The following NECAB3 variants were observed in gnomAD, a reference collection of about 807,000 sequenced individuals.
NECAB3 encodes the protein N-terminal EF-hand calcium binding protein 3, also known as N-terminal EF-hand calcium-binding protein 3.
In NECAB3, 38 loss-of-function variants were observed where a neutral mutation model predicts 57.2. That is an observed-to-expected ratio of 0.66 (90% CI 0.51 to 0.87). The LOEUF (loss-of-function observed/expected upper bound fraction) is 0.87, where lower values mean the gene tolerates loss of function less well. Among genes scored for constraint, NECAB3 ranks in the 40% least tolerant of loss-of-function variants. The pLI, the probability that NECAB3 is intolerant of heterozygous loss-of-function variation, is 0.00. For missense variants in NECAB3, 474 were observed against 527.5 expected (o/e 0.90, Z 0.99); for synonymous variants, 223 against 222.6 (o/e 1.00, Z -0.02).
At chr20:33,667,736 T>A (rs962825755) in intron 5 of NECAB3, 1 of 1,612,178 alleles carries the variant, frequency 6.2e-7, no homozygotes. Context: ...ATCACACATC[T>A]CAAGAAGCGC....
At chr20:33,669,030 T>C (rs1315374047) in intron 5 of NECAB3, 2 of 285,954 alleles carry the variant, frequency 7.0e-6, no homozygotes, top group South Asian at 4.0e-5. Flanking sequence ...CCCACCACAG[T>C]TGTGATGGGC....
Position 33,658,494 on chromosome 20 carries a change from A to G in NECAB3, c.1053T>C (p.Asp351=). ...ASFTLYEFWQ[D]EASWRRHQQS... The stretch of plus-strand genomic sequence containing the variant: ...ACTCATACCTTCTCCAGGAGGCCTC[A>G]TCCTGCCAGAACTCATACAGGGTGA... Residue 351 remains aspartate (D), a synonymous_variant, in exon 10 of 12, where the codon GAT becomes GAC. Transcript: ENST00000246190. 1 of 1,613,924 alleles carries G rather than the reference A, an allele frequency of 6.2e-7. No homozygotes were observed. The highest frequency in any genetic ancestry group is 8.5e-7 in the Non-Finnish European group (1 of 1,179,946).
intron 5 of NECAB3, chr20:33,669,092 G>A (rs1350774535): frequency 1.1e-5 from 5 of 451,152 alleles, no homozygotes; most frequent in South Asian, 1.0e-4. Context: ...GTGTATGCCA[G>A]ACATTATTCT....
chr20:33,668,303 T>G (rs1001427673), intron 5 of NECAB3: 1 of 1,520,622 alleles, frequency 6.6e-7, no homozygotes, highest in African/African-American at 1.4e-5. Context: ...GTCAAGTGTT[T>G]GGAGCTGGCA....
intron 2 of NECAB3, among the ~76,000 whole-genome samples, chr20:33,671,808 C>G (rs2017833088): frequency 6.6e-6 from 1 of 152,234 alleles, no homozygotes; most frequent in South Asian, 2.1e-4. Flanking sequence ...CCAGCTTTAT[C>G]CTTGCCCAAG....
Position 33,674,425 on chromosome 20 carries a change from A to G in NECAB3, c.-73T>C, listed in dbSNP as rs1297448131. Reference sequence around the variant, plus strand: ...ACGCCGCGGCGGACTCGGTGTGGCTAGAGGCCGCCCCTTGGCGCCGGCGCC... The same window carrying G: ...ACGCCGCGGCGGACTCGGTGTGGCTGGAGGCCGCCCCTTGGCGCCGGCGCC... On this transcript the variant is annotated 5_prime_UTR_variant, in exon 1 of 12. Coordinates refer to ENST00000246190, the MANE Select transcript of NECAB3 (RefSeq NM_031232.4). 2.8e-6 allele frequency: 3 copies of G among 1,086,230 alleles called. No individual in the cohort carries two copies. Among genetic ancestry groups the G allele is most frequent in the Non-Finnish European group, 3.4e-6 (3 of 895,164 alleles). 67.3% of individuals were successfully genotyped at this position (1,086,230 alleles called of 1,614,324 possible). A position where few individuals can be genotyped will look rare whatever the true frequency, so the allele number is the denominator to read the frequency against.
At position 33,674,399 on chromosome 20, in the gene NECAB3, G is replaced by C. The variant is rs1205791587; in HGVS notation, c.-47C>G. 4 of 1,135,176 alleles carry C rather than the reference G, an allele frequency of 3.5e-6. No homozygotes were observed. Among genetic ancestry groups the C allele is most frequent in the Non-Finnish European group, 4.3e-6 (4 of 926,540 alleles). The allele number at this position is 1,135,176 out of a possible 1,614,324, so 70.3% of individuals were successfully genotyped here. A position where few individuals can be genotyped will look rare whatever the true frequency, so the allele number is the denominator to read the frequency against. On this transcript the variant is annotated 5_prime_UTR_variant, in exon 1 of 12. Coordinates refer to ENST00000246190, the MANE Select transcript of NECAB3 (RefSeq NM_031232.4). ...TCGGCTGCGGTTGCTGCCGACCCTG[G>C]ACGCCGCGGCGGACTCGGTGTGGCT...
rs760598548 is a variant in NECAB3, at chr20:33,660,306, C to T, written c.477G>A (p.Ser159=). 10 of 1,613,258 alleles carry T rather than the reference C, an allele frequency of 6.2e-6. No individual in the cohort carries two copies. The African/African-American group carries it at 8.0e-5, about 13-fold the overall frequency. ...TVSQLQALQS[S]LEGASDTLEA... ...CCAGGGTATCTGACGCCCCCTCCAG[C>T]GAGCTCTGAAGGGCTTGCAGCTGGC... is the stretch of plus-strand genomic sequence containing the variant. The change falls in exon 6 of 12, where the codon TCG becomes TCA. Residue 159 remains serine (S), a synonymous_variant. Coordinates refer to ENST00000246190, the MANE Select transcript of NECAB3 (RefSeq NM_031232.4). This position sits in a 1 kb window ranked among gnomAD's most constrained non-coding sequence, Gnocchi z 4.1.
intron 5 of NECAB3, chr20:33,667,927 G>T: frequency 6.4e-7 from 1 of 1,560,266 alleles, no homozygotes. Context: ...GCCCGCGCTG[G>T]CCTTCCGGGC....
chr20:33,664,654 A>G (rs2017595362), intron 5 of NECAB3: 1 of 152,316 alleles, frequency 6.6e-6, no homozygotes, highest in African/African-American at 2.4e-5. Context: ...CAAATCACTT[A>G]GAAGAAGCCC....
chr20:33,674,206 G>A lies in NECAB3; in HGVS notation c.129+18C>T. On this transcript the variant is annotated intron_variant, in intron 1 of 11. Coordinates refer to ENST00000246190, the MANE Select transcript of NECAB3 (RefSeq NM_031232.4). ...CTCGGGTAGGGAGACACCGCGAGCA[G>A]AGCCCGCGCCCACTCACGTCCTGGA... 1 of 1,257,918 alleles carries A rather than the reference G, an allele frequency of 7.9e-7. No homozygotes were observed. The highest frequency in any genetic ancestry group is 1.5e-5 in the African/African-American group (1 of 65,238). The allele number at this position is 1,257,918 out of a possible 1,614,324, so 77.9% of individuals were successfully genotyped here.
chr20:33,658,361 G>T, intron 10 of NECAB3, 116 bp downstream of exon 10: 1 of 1,060,396 alleles, frequency 9.4e-7, no homozygotes, highest in Non-Finnish European at 1.4e-6. Flanking sequence ...TCGGGCAGGT[G>T]GGGTCACTCA....
intron 4 of NECAB3, 54 bp downstream of exon 4, chr20:33,669,633 G>C: frequency 6.4e-7 from 1 of 1,557,872 alleles, no homozygotes; most frequent in Non-Finnish European, 8.7e-7. Flanking sequence ...CTTGCCACAC[G>C]TACCCTGGGG....
At chr20:33,670,354 G>A (rs1002726478) in intron 3 of NECAB3, 12 of 282,722 alleles carry the variant, frequency 4.2e-5, no homozygotes, top group East Asian at 7.5e-5. Flanking sequence ...AGATGGTTGC[G>A]TGTTTATGCA....
Position 33,658,798 on chromosome 20 carries a change from C to T in NECAB3, c.916G>A (p.Glu306Lys), listed in dbSNP as rs1189561963. 1 of 1,613,200 alleles carries T rather than the reference C, an allele frequency of 6.2e-7. No homozygotes were observed. The highest frequency in any genetic ancestry group is 8.5e-7 in the Non-Finnish European group (1 of 1,179,960). Residue 306 changes from glutamate to lysine, a missense_variant, in exon 9 of 12, where the codon GAG (glutamate) becomes AAG (lysine). By Grantham distance (56) the Glu-to-Lys change is moderately conservative. Coordinates refer to ENST00000246190, the MANE Select transcript of NECAB3 (RefSeq NM_031232.4). ...LMAQRQVQVA[E>K]EGLQDFHRAL... ...CGGTGGAAGTCCTGCAGGCCTTCCT[C>T]TGCCACCTGGACCTGCCTCTGGGCC...
intron 2 of NECAB3, among the ~76,000 whole-genome samples, chr20:33,671,408 G>A (rs182606044): frequency 5.4e-4 from 82 of 152,180 alleles, no homozygotes; most frequent in African/African-American, 1.4e-3. Flanking sequence ...GAGCTGACCC[G>A]GGGGAGGATC....
chr20:33,664,794 T>C (rs1221882371), intron 5 of NECAB3: 3 of 152,326 alleles, frequency 2.0e-5, no homozygotes, highest in African/African-American at 7.2e-5. Flanking sequence ...CACACTCTGG[T>C]GACCAACCTC....
At chr20:33,667,366 C>CTGGT in intron 5 of NECAB3, 1 of 1,201,220 alleles carries the variant, frequency 8.3e-7, no homozygotes. Context: ...GGAGCGCCTG[C>CTGGT]TGGTGGGCGG....
chr20:33,668,426 T>C lies in NECAB3; in HGVS notation c.387+949A>G, dbSNP rs1357094355. The C allele has an allele frequency of 9.7e-6, 7 of 723,110 alleles. No individual in the cohort carries two copies. The East Asian group carries it at 2.2e-4, about 22-fold the overall frequency. The allele number at this position is 723,110 out of a possible 1,614,324, so 44.8% of individuals were successfully genotyped here. On this transcript the variant is annotated intron_variant, in intron 5 of 11. Transcript: ENST00000246190. The stretch of plus-strand genomic sequence containing the variant: ...CTCATTTTGAACTGCAGTTTGAATC[T>C]CCCCAACCACTGCCAGTTCAGAGAA...
Sources: gnomAD v4.1 joint callset for allele counts (sites outside exome capture counted in the v4.1 genomes callset) on GRCh38, gnomAD v4.1.1 for gene constraint, Gnocchi (gnomAD v3.1) non-coding constraint, MANE v1.5 for transcripts, NCBI Gene and HGNC (gene_info 2026-07-23, HGNC 2026-07-21) for gene names.